The following NOS1 variants were observed in gnomAD, a reference collection of about 807,000 sequenced individuals.
NOS1 encodes NOS type I.
A neutral mutation model predicts 164.5 loss-of-function variants in NOS1; 51 were observed. The observed-to-expected ratio is 0.31, with a 90% CI of 0.25 to 0.39. NOS1 has a LOEUF of 0.39. Ranked by LOEUF, NOS1 falls within the 10% of genes least tolerant of loss-of-function variation. The pLI is 1.00. For missense variants in NOS1, 1,362 were observed against 1,885.6 expected, an observed-to-expected ratio of 0.72 and a Z score of 5.14; for synonymous variants, 719 against 745.8, an observed-to-expected ratio of 0.96 and a Z score of 0.59.
chr12:117,312,199 T>C (rs1369760403), intron 2 of NOS1, among the ~76,000 whole-genome samples: 1 of 152,228 alleles, frequency 6.6e-6, no homozygotes, highest in Non-Finnish European at 1.5e-5. Flanking sequence ...ACGCTTACTA[T>C]GTGCCAAGGA....
At chr12:117,285,763 GA>G (rs1874072089) in intron 6 of NOS1, among the ~76,000 whole-genome samples, 1 of 152,288 alleles carries the variant, frequency 6.6e-6, no homozygotes, top group East Asian at 1.9e-4. Context: ...AAGGGACACA[GA>G]AACTAATGCC....
Position 117,211,157 on chromosome 12 carries a change from A to G in NOS1, c.*4152T>C. ...TTTTCTTAGTAGAGTCAGGGTTTCTACTAACTGGCTGACTGGTCTCCAACT... is the reference window on the plus strand; with the variant it reads ...TTTTCTTAGTAGAGTCAGGGTTTCTGCTAACTGGCTGACTGGTCTCCAACT... On this transcript the variant is annotated 3_prime_UTR_variant, in exon 29 of 29. Coordinates refer to ENST00000317775, the MANE Select transcript of NOS1 (RefSeq NM_000620.5). 1.3e-6 allele frequency: 1 copy of G among 741,042 alleles called. No homozygotes were observed. The highest frequency in any genetic ancestry group is 1.6e-6 in the Non-Finnish European group (1 of 607,168). The allele number at this position is 741,042 out of a possible 1,614,324, so 45.9% of individuals were successfully genotyped here.
intron 11 of NOS1, 86 bp downstream of exon 11, chr12:117,267,957 G>A (rs1265159914): frequency 4.3e-6 from 4 of 938,378 alleles, no homozygotes; most frequent in African/African-American, 1.6e-5. Flanking sequence ...CTGGCAGTGA[G>A]GTCTCTTGAT....
Position 117,209,663 on chromosome 12 carries a change from C to T in NOS1, c.*5646G>A, listed in dbSNP as rs551109212. The T allele has an allele frequency of 1.7e-5, 17 of 985,488 alleles. No homozygotes were observed. The South Asian group carries it at 1.9e-4, about 11-fold the overall frequency. 61.0% of individuals were successfully genotyped at this position (985,488 alleles called of 1,614,324 possible). Reference sequence around the variant, plus strand: ...CATATTGACAGCTGACCACCTCCCTCGCACATGGCTTTGATAAGTATTAAT... The same window carrying T: ...CATATTGACAGCTGACCACCTCCCTTGCACATGGCTTTGATAAGTATTAAT... On this transcript the variant is annotated 3_prime_UTR_variant, in exon 29 of 29. Transcript: ENST00000317775.
chr12:117,231,467 T>C (rs1869227450), intron 22 of NOS1, among the ~76,000 whole-genome samples: 1 of 152,122 alleles, frequency 6.6e-6, no homozygotes, highest in Non-Finnish European at 1.5e-5. Flanking sequence ...CTTGAGGGGA[T>C]GAATACCCCA....
intron 1 of NOS1, among the ~76,000 whole-genome samples, chr12:117,350,319 G>A (rs562944987): frequency 1.8e-4 from 28 of 152,134 alleles, no homozygotes; most frequent in Non-Finnish European, 3.2e-4. Flanking sequence ...AATGCAGAGT[G>A]GGCATTCAAC....
chr12:117,333,198 T>C (rs1421045367), intron 1 of NOS1, among the ~76,000 whole-genome samples: 1 of 152,052 alleles, frequency 6.6e-6, no homozygotes, highest in Non-Finnish European at 1.5e-5. Context: ...AAAAGATAGG[T>C]TTGGTCACAC....
At chr12:117,250,774 C>A (rs1232183526) in intron 17 of NOS1, among the ~76,000 whole-genome samples, 1 of 152,136 alleles carries the variant, frequency 6.6e-6, no homozygotes, top group African/African-American at 2.4e-5. Flanking sequence ...CTACCCAAAG[C>A]CACCTGCCTC....
rs188826512 is a variant in NOS1, at chr12:117,288,028, C to G, written c.1127+46G>C. The stretch of plus-strand genomic sequence containing the variant: ...TTGGGGCTGACATCTTTCTCTCCAG[C>G]ATTCGATAACTTACCTCGGGCTCCC... On this transcript the variant is annotated intron_variant, in intron 5 of 28. Transcript: ENST00000317775. 398 of 1,608,966 alleles carry G rather than the reference C, an allele frequency of 2.5e-4. 2 individuals carry two copies. In the East Asian group the frequency reaches 6.6e-3, roughly 27 times the overall value.
intron 2 of NOS1, among the ~76,000 whole-genome samples, chr12:117,327,839 C>T (rs535284722): frequency 6.6e-6 from 1 of 152,186 alleles, no homozygotes; most frequent in South Asian, 2.1e-4. Flanking sequence ...GGCCAGTGAC[C>T]CTGGTTTCCC....
Position 117,234,784 on chromosome 12 carries a change from A to G in NOS1, c.3042-26T>C. On this transcript the variant is annotated intron_variant, in intron 20 of 28. Coordinates refer to ENST00000317775, the MANE Select transcript of NOS1 (RefSeq NM_000620.5). The surrounding 1 kb of genome is among the most constrained non-coding windows in gnomAD (Gnocchi z 4.3). ...CTGCAGGAAATTGCAGAGGAATCATAGGACAAGGGCCAGCAGCTACTTCCT... is the reference window on the plus strand; with the variant it reads ...CTGCAGGAAATTGCAGAGGAATCATGGGACAAGGGCCAGCAGCTACTTCCT... 2 of 1,587,872 alleles carry G rather than the reference A, an allele frequency of 1.3e-6. No individual in the cohort carries two copies. Among genetic ancestry groups the G allele is most frequent in the South Asian group, 2.2e-5 (2 of 89,010 alleles).
rs139248593 is a variant in NOS1, at chr12:117,214,815, G to T, written c.*494C>A. 5 of 982,708 alleles carry T rather than the reference G, an allele frequency of 5.1e-6. No homozygotes were observed. In the African/African-American group the frequency reaches 7.2e-5, roughly 14 times the overall value. 60.9% of individuals were successfully genotyped at this position (982,708 alleles called of 1,614,324 possible). A position where few individuals can be genotyped will look rare whatever the true frequency, so the allele number is the denominator to read the frequency against. On this transcript the variant is annotated 3_prime_UTR_variant, in exon 29 of 29. Coordinates refer to ENST00000317775, the MANE Select transcript of NOS1 (RefSeq NM_000620.5). ...GACACACTTGTGCAGGGAAGAGGAC[G>T]GACAGAGACCTGGCCCATCACACAC...
Position 117,297,071 on chromosome 12 carries a change from C to G in NOS1, c.853-6645G>C, listed in dbSNP as rs1308225871. ...AACTAACACAAGGTCTAAAAAGTTT[C>G]AACACTGTAGAGTTCCTTAAATGCT... On this transcript the variant is annotated intron_variant, in intron 3 of 28. Coordinates refer to ENST00000317775, the MANE Select transcript of NOS1 (RefSeq NM_000620.5). 2.0e-5 allele frequency among the ~76,000 whole-genome samples: 3 copies of G among 152,346 alleles called. No homozygotes were observed. In the East Asian group the frequency reaches 5.8e-4, roughly 29 times the overall value.
chr12:117,283,963 T>C (rs1401016852), intron 7 of NOS1, among the ~76,000 whole-genome samples: 1 of 151,966 alleles, frequency 6.6e-6, no homozygotes, highest in Non-Finnish European at 1.5e-5. Context: ...TTTAATATTC[T>C]TTAAGGGGTG....
intron 1 of NOS1, among the ~76,000 whole-genome samples, chr12:117,346,909 G>T (rs1183446898): frequency 1.3e-5 from 2 of 152,164 alleles, no homozygotes; most frequent in Non-Finnish European, 1.5e-5. Context: ...TTCTATCAAA[G>T]ACAGCCCATA....
chr12:117,341,883 C>T (rs562747598), intron 1 of NOS1, among the ~76,000 whole-genome samples: 152 of 152,286 alleles, frequency 1.0e-3, no homozygotes, highest in African/African-American at 3.6e-3. Flanking sequence ...GATAATTCAT[C>T]TATAGCATGT....
At chr12:117,276,778 C>T (rs1191835914) in intron 9 of NOS1, among the ~76,000 whole-genome samples, 1 of 152,208 alleles carries the variant, frequency 6.6e-6, no homozygotes, top group Non-Finnish European at 1.5e-5. Context: ...ATAATGATCT[C>T]CAGTTCCATC....
intron 1 of NOS1, among the ~76,000 whole-genome samples, chr12:117,334,714 A>G (rs891207044): frequency 1.3e-5 from 2 of 152,170 alleles, no homozygotes; most frequent in African/African-American, 4.8e-5. Flanking sequence ...TATCTTAATA[A>G]CAATTCCACA....
intron 11 of NOS1, among the ~76,000 whole-genome samples, chr12:117,267,657 C>T (rs1323752879): frequency 6.6e-5 from 10 of 151,760 alleles, no homozygotes; most frequent in African/African-American, 2.4e-4. Context: ...TGCCATTTAG[C>T]ACAGCCTCAT....
Sources: gnomAD v4.1 joint callset for allele counts (sites outside exome capture counted in the v4.1 genomes callset) on GRCh38, gnomAD v4.1.1 for gene constraint, Gnocchi (gnomAD v3.1) non-coding constraint, MANE v1.5 for transcripts, NCBI Gene and HGNC (gene_info 2026-07-23, HGNC 2026-07-21) for gene names.